The following ADGRV1 variants were observed in gnomAD, a reference collection of about 807,000 sequenced individuals.
ADGRV1 encodes the protein adhesion G protein-coupled receptor V1.
In ADGRV1, 359 loss-of-function variants were observed where a neutral mutation model predicts 596.2. The ratio of observed to expected loss-of-function variants is 0.60; its 90% CI spans 0.55 to 0.66. The LOEUF (loss-of-function observed/expected upper bound fraction) is 0.66. Ranked by LOEUF, ADGRV1 falls within the 30% of genes least tolerant of loss-of-function variation. The pLI is 0.00. For missense variants in ADGRV1, 7,274 were observed against 7,575.6 expected, an observed-to-expected ratio of 0.96 and a Z score of 1.48; for synonymous variants, 2,681 against 2,679.2, an observed-to-expected ratio of 1.00 and a Z score of -0.02.
intron 83 of ADGRV1, among the ~76,000 whole-genome samples, chr5:90,867,685 G>A (rs746298722): frequency 2.0e-5 from 3 of 152,174 alleles, no homozygotes; most frequent in South Asian, 4.1e-4. Flanking sequence ...AGCAGCTTGC[G>A]CTGCTTTGTT....
intron 83 of ADGRV1, among the ~76,000 whole-genome samples, chr5:90,937,482 G>A (rs146672446): frequency 0.011 from 1,518 of 142,656 alleles, 25 homozygotes; most frequent in African/African-American, 0.038. Context: ...TTTTGAGACG[G>A]AGTCTAGCTC....
chr5:90,773,168 CAAAA>C (rs36098858), intron 59 of ADGRV1, among the ~76,000 whole-genome samples: 1,610 of 133,394 alleles, frequency 0.012, 14 homozygotes, highest in Non-Finnish European at 0.019. Flanking sequence ...GACCCTGTCT[CAAAA>C]AAAAAAAAAA....
chr5:90,620,572 C>T (rs1021857025), intron 4 of ADGRV1, among the ~76,000 whole-genome samples: 1 of 152,022 alleles, frequency 6.6e-6, no homozygotes, highest in Non-Finnish European at 1.5e-5. Flanking sequence ...ATGGTAGTTT[C>T]TTTTGCTGTG....
chr5:90,707,306 GA>G (rs1421909461), intron 38 of ADGRV1, among the ~76,000 whole-genome samples: 1 of 152,166 alleles, frequency 6.6e-6, no homozygotes, highest in African/African-American at 2.4e-5. Context: ...GGTACTCACG[GA>G]GGGAGTAGGA....
intron 17 of ADGRV1, 56 bp from the exon 18 acceptor site, chr5:90,651,548 T>C: frequency 1.5e-6 from 2 of 1,350,278 alleles, no homozygotes; most frequent in Non-Finnish European, 2.0e-6. Context: ...AAAGTATAAA[T>C]TTTACAGCAA....
At chr5:90,900,078 G>A (rs561123449) in intron 83 of ADGRV1, among the ~76,000 whole-genome samples, 2 of 152,256 alleles carry the variant, frequency 1.3e-5, no homozygotes, top group African/African-American at 2.4e-5. Context: ...AACTAACAAA[G>A]CAGAACATAC....
chr5:90,667,439 C>T (rs908395166), intron 21 of ADGRV1, among the ~76,000 whole-genome samples: 8 of 147,350 alleles, frequency 5.4e-5, no homozygotes, highest in African/African-American at 1.8e-4. Context: ...ACGTAGTTCT[C>T]GAGCCTTGGT....
chr5:90,725,424 G>A (rs1751640212), intron 47 of ADGRV1, 125 bp from the exon 48 acceptor site: 5 of 702,938 alleles, frequency 7.1e-6, no homozygotes, highest in Non-Finnish European at 4.8e-6. Context: ...ACTTAGTTAT[G>A]TGTAGCTTGG....
At position 90,829,391 on chromosome 5, in the gene ADGRV1, CT is replaced by C. The variant is rs1262725296; in HGVS notation, c.16611+211del. ...GATCATGTTTTAAAACGACAGACTT[CT>C]TTTTTCTCTCTTTTGACAAGATTGA... On this transcript the variant is annotated intron_variant, in intron 77 of 89. Transcript: ENST00000405460. 6.5e-4 allele frequency among the ~76,000 whole-genome samples: 99 copies of C among 152,188 alleles called. 2 individuals are homozygous for C. Among genetic ancestry groups the C allele is most frequent in the Admixed American group, 6.5e-3 (99 of 15,278 alleles).
At chr5:90,561,760 T>C (rs931013788) in intron 1 of ADGRV1, among the ~76,000 whole-genome samples, 17 of 152,212 alleles carry the variant, frequency 1.1e-4, no homozygotes, top group African/African-American at 4.1e-4. Flanking sequence ...CTAGACAATT[T>C]ATGATGCTTA....
Position 90,558,815 on chromosome 5 carries a change from C to T in ADGRV1, c.-81C>T, listed in dbSNP as rs1222981145. The T allele has an allele frequency of 3.6e-6, 5 of 1,379,518 alleles. No individual in the cohort carries two copies. The African/African-American group carries it at 4.3e-5, about 12-fold the overall frequency. 85.5% of individuals were successfully genotyped at this position (1,379,518 alleles called of 1,614,324 possible). A position where few individuals can be genotyped will look rare whatever the true frequency, so the allele number is the denominator to read the frequency against. ...CTGTAGTGGTAGTAAGAATCAGCAG[C>T]GCGGGCAAGGAGTACGGACGGGAGT... On this transcript the variant is annotated 5_prime_UTR_variant, in exon 1 of 90. Coordinates refer to ENST00000405460, the MANE Select transcript of ADGRV1 (RefSeq NM_032119.4).
chr5:90,693,380 T>G (rs1746740775), intron 32 of ADGRV1, among the ~76,000 whole-genome samples: 1 of 152,158 alleles, frequency 6.6e-6, no homozygotes, highest in Admixed American at 6.6e-5. Flanking sequence ...TTACTTATAA[T>G]ACCTAATACA....
Position 90,690,968 on chromosome 5 carries a change from C to T in ADGRV1, c.6878C>T (p.Thr2293Ile). The change falls in exon 31 of 90, where the codon ACC becomes ATC. Residue 2293 changes from threonine (T) to isoleucine (I), a missense_variant. By Grantham distance (89) the Thr-to-Ile change is moderately conservative. Around this residue, in one of 5 missense-constraint regions of ADGRV1, gnomAD observed 3,643 missense variants for 3,809.2 expected, o/e 0.96. Transcript: ENST00000405460. ...GDLRVVSGNVTFAPGETIQTL... is the reference protein window; with the variant it reads ...GDLRVVSGNVIFAPGETIQTL... ...CTGCGAGTTGTCTCAGGTAATGTGA[C>T]CTTTGCCCCTGGGGAAACCATTCAA... The T allele has an allele frequency of 2.5e-6, 4 of 1,613,812 alleles. No homozygotes were observed. The highest frequency in any genetic ancestry group is 3.4e-6 in the Non-Finnish European group (4 of 1,179,796).
At chr5:90,993,719 G>A (rs1781166040) in intron 85 of ADGRV1, among the ~76,000 whole-genome samples, 1 of 151,936 alleles carries the variant, frequency 6.6e-6, no homozygotes, top group South Asian at 2.1e-4. Context: ...TATATATCTA[G>A]GTGTGGGTCT....
intron 34 of ADGRV1, among the ~76,000 whole-genome samples, chr5:90,701,717 C>T (rs927435932): frequency 2.0e-5 from 3 of 151,752 alleles, no homozygotes; most frequent in African/African-American, 4.8e-5. Flanking sequence ...TAGTATTAGA[C>T]TTTTAGTGTT....
In ADGRV1 at chr5:90,763,401, G is replaced by C. The variant is rs777411654; in HGVS notation, c.12217G>C (p.Glu4073Gln). The C allele has an allele frequency of 6.2e-7, 1 of 1,613,598 alleles. No individual in the cohort carries two copies. Among genetic ancestry groups the C allele is most frequent in the Non-Finnish European group, 8.5e-7 (1 of 1,179,646 alleles). Residue 4073 changes from glutamate (E) to glutamine (Q), a missense_variant, in exon 59 of 90, where the codon GAG becomes CAG. Transcript: ENST00000405460. ...AGGAGGAAAAGGAACCGTCCGACTT[G>C]AGTGGACCATAGATGAGAAGGCTAA... Reference protein sequence around the residue: ...SPGGKGTVRLEWTIDEKAKHN... With the variant: ...SPGGKGTVRLQWTIDEKAKHN...
chr5:91,150,468 C>T (rs1389016498), intron 88 of ADGRV1, among the ~76,000 whole-genome samples: 1 of 152,180 alleles, frequency 6.6e-6, no homozygotes, highest in Non-Finnish European at 1.5e-5. Context: ...TTCTTCCTCA[C>T]CCTGTGAGCT....
intron 9 of ADGRV1, among the ~76,000 whole-genome samples, chr5:90,631,539 C>G (rs894391280): frequency 8.5e-5 from 13 of 152,082 alleles, no homozygotes; most frequent in Admixed American, 7.9e-4. Context: ...TGATCTTCAT[C>G]TTTATTATTA....
Position 90,672,716 on chromosome 5 carries a change from A to G in ADGRV1, c.4923A>G (p.Arg1641=), listed in dbSNP as rs1416007602. 4 of 1,608,588 alleles carry G rather than the reference A, an allele frequency of 2.5e-6. No individual in the cohort carries two copies. The African/African-American group carries it at 5.3e-5, about 21-fold the overall frequency. The change falls in exon 22 of 90, where the codon AGA becomes AGG. Residue 1641 remains arginine (R), a synonymous_variant. Coordinates refer to ENST00000405460, the MANE Select transcript of ADGRV1 (RefSeq NM_032119.4). ...SGTITFLPWQ[R]SEVLNIYVLD... ...CTATTACATTCCTTCCTTGGCAGAG[A>G]TCAGAGGTAAACCCTACCTTTTTTG...
Sources: allele counts gnomAD v4.1 joint callset (sites outside exome capture counted in the v4.1 genomes callset), GRCh38; gene constraint gnomAD v4.1.1; regional missense constraint gnomAD v4.1.1; transcripts MANE v1.5; gene names NCBI Gene and HGNC (gene_info 2026-07-23, HGNC 2026-07-21).